Variants in NKD1 observed in about 807,000 individuals in gnomAD.
NKD1 encodes protein naked cuticle homolog 1.
Under a neutral mutation model 56.0 loss-of-function variants are expected in NKD1, and 21 were observed. The observed-to-expected ratio is 0.38, with a 90% CI of 0.27 to 0.54. The LOEUF (loss-of-function observed/expected upper bound fraction) is 0.54, where lower values mean the gene tolerates loss of function less well. Ranked by LOEUF, NKD1 falls within the 20% of genes least tolerant of loss-of-function variation. The probability of loss-of-function intolerance (pLI) is 0.82; values close to 1 mark genes in which losing one functional copy is unlikely to be tolerated. For missense variants in NKD1, 578 were observed against 642.7 expected, an observed-to-expected ratio of 0.90 and a Z score of 1.09; for synonymous variants, 263 against 265.7, an observed-to-expected ratio of 0.99 and a Z score of 0.10.
At position 50,633,867 on chromosome 16, in the gene NKD1, T is replaced by C. The variant is rs1334670861; in HGVS notation, c.*86T>C. 3.2e-6 allele frequency: 2 copies of C among 629,414 alleles called. No homozygotes were observed. Among genetic ancestry groups the C allele is most frequent in the Non-Finnish European group, 5.3e-6 (2 of 375,792 alleles). The allele number at this position is 629,414 out of a possible 1,614,324, so 39.0% of individuals were successfully genotyped here. A position where few individuals can be genotyped will look rare whatever the true frequency, so the allele number is the denominator to read the frequency against. ...ATTATTATTCTATTAATTATTGTTA[T>C]TATGATGATTATTGTTATTAATAAT... On this transcript the variant is annotated 3_prime_UTR_variant, in exon 10 of 10. Coordinates refer to ENST00000268459, the MANE Select transcript of NKD1 (RefSeq NM_033119.5). The surrounding 1 kb of genome is among the most constrained non-coding windows in gnomAD (Gnocchi z 4.9).
chr16:50,548,761 C>A lies in NKD1; in HGVS notation c.58+12C>A. 1 of 1,411,240 alleles carries A rather than the reference C, an allele frequency of 7.1e-7. No individual in the cohort carries two copies. Among genetic ancestry groups the A allele is most frequent in the Non-Finnish European group, 9.1e-7 (1 of 1,094,132 alleles). The allele number at this position is 1,411,240 out of a possible 1,614,324, so 87.4% of individuals were successfully genotyped here. A position where few individuals can be genotyped will look rare whatever the true frequency, so the allele number is the denominator to read the frequency against. ...GGAGAGCCCGGAAGGTAGGGGCGCG[C>A]GGGGCGCAGACCTCGGGGATGGACG... On this transcript the variant is annotated intron_variant, in intron 2 of 9. Transcript: ENST00000268459.
At chr16:50,608,237 T>A in intron 3 of NKD1, 57 bp from the exon 4 acceptor site, 3 of 1,226,640 alleles carry the variant, frequency 2.4e-6, no homozygotes, top group Non-Finnish European at 3.6e-6. Context: ...GCTTTTAACG[T>A]CCCAGCACTG....
chr16:50,589,773 T>TCTTCTCTTCC (rs1961321194), intron 3 of NKD1, among the ~76,000 whole-genome samples: 1 of 99,810 alleles, frequency 1.0e-5, no homozygotes, highest in Non-Finnish European at 2.1e-5. Context: ...TCTCCTCTCC[T>TCTTCTCTTCC]CTCCTCTCCT....
intron 3 of NKD1, among the ~76,000 whole-genome samples, chr16:50,605,923 G>A (rs1364115198): frequency 6.6e-6 from 1 of 152,226 alleles, no homozygotes; most frequent in African/African-American, 2.4e-5. Flanking sequence ...AGGCGAGGCA[G>A]GCGGTACAGC....
At chr16:50,603,343 C>T (rs1294312337) in intron 3 of NKD1, among the ~76,000 whole-genome samples, 1 of 152,198 alleles carries the variant, frequency 6.6e-6, no homozygotes, top group African/African-American at 2.4e-5. Context: ...AGCTTGCTCT[C>T]AGCAAGGCCT....
rs951199455 is a variant in NKD1, at chr16:50,623,309, G to C, written c.366+1601G>C. On this transcript the variant is annotated intron_variant, in intron 5 of 9. Coordinates refer to ENST00000268459, the MANE Select transcript of NKD1 (RefSeq NM_033119.5). This position sits in a 1 kb window ranked among gnomAD's most constrained non-coding sequence, Gnocchi z 4.1. ...CCACACAGCTTGTTCTCCCCACACA[G>C]CACAGGAGCACTCCAGCCTCCAAGA... Among the ~76,000 whole-genome samples, 94 of 152,212 alleles carry C rather than the reference G, an allele frequency of 6.2e-4. 1 individual carries two copies. The highest frequency in any genetic ancestry group is 2.2e-3 in the African/African-American group (91 of 41,550).
chr16:50,572,019 G>A (rs1392266461), intron 3 of NKD1, among the ~76,000 whole-genome samples: 1 of 152,240 alleles, frequency 6.6e-6, no homozygotes, highest in Admixed American at 6.5e-5. Flanking sequence ...GCCTTTGCAC[G>A]CTCTATTCCT....
intron 3 of NKD1, 41 bp downstream of exon 3, chr16:50,549,596 C>T (rs1382438550): frequency 6.6e-7 from 1 of 1,520,620 alleles, no homozygotes. Flanking sequence ...GGCCTCCTTT[C>T]AGCCTCAGAG....
At chr16:50,557,266 C>T (rs1325667423) in intron 3 of NKD1, 1 of 152,208 alleles carries the variant, frequency 6.6e-6, no homozygotes, top group Non-Finnish European at 1.5e-5. Context: ...GATCAGAACT[C>T]ATCTGGGGTG....
intron 3 of NKD1, among the ~76,000 whole-genome samples, chr16:50,579,299 C>T (rs1474604385): frequency 2.7e-5 from 4 of 147,684 alleles, no homozygotes; most frequent in African/African-American, 1.0e-4. Flanking sequence ...CTGTCTTACT[C>T]CTGCGGGCTA....
chr16:50,560,471 T>C (rs920394240), intron 3 of NKD1, among the ~76,000 whole-genome samples: 2 of 152,172 alleles, frequency 1.3e-5, no homozygotes, highest in African/African-American at 4.8e-5. Flanking sequence ...GCCGCTGTTA[T>C]TATTATGCCC....
intron 6 of NKD1, among the ~76,000 whole-genome samples, chr16:50,628,209 T>A (rs180772328): frequency 6.6e-6 from 1 of 152,208 alleles, no homozygotes; most frequent in Non-Finnish European, 1.5e-5. Flanking sequence ...ATTTTGAAGA[T>A]TTAACAGAAG....
chr16:50,597,995 A>G (rs1404603615), intron 3 of NKD1, among the ~76,000 whole-genome samples: 2 of 152,028 alleles, frequency 1.3e-5, no homozygotes, highest in Non-Finnish European at 2.9e-5. Flanking sequence ...TAGAGGGAGG[A>G]GGGCGCTCCG....
chr16:50,601,949 C>T (rs1359416997), intron 3 of NKD1, among the ~76,000 whole-genome samples: 3 of 152,228 alleles, frequency 2.0e-5, no homozygotes, highest in Admixed American at 6.5e-5. Flanking sequence ...ATCCCTGGGT[C>T]CAGGCCTCCA....
At chr16:50,610,464 G>A (rs1031891012) in intron 4 of NKD1, among the ~76,000 whole-genome samples, 27 of 152,316 alleles carry the variant, frequency 1.8e-4, no homozygotes, top group Non-Finnish European at 8.8e-5. Context: ...AGGCCACCGC[G>A]TGGCCAGGTC....
At chr16:50,564,884 TC>T (rs1416184683) in intron 3 of NKD1, among the ~76,000 whole-genome samples, 2 of 152,090 alleles carry the variant, frequency 1.3e-5, no homozygotes, top group East Asian at 1.9e-4. Context: ...ACAGGAAGCC[TC>T]CGCCCACCTC....
Position 50,625,583 on chromosome 16 carries a change from G to T in NKD1, c.462+3G>T. ...ACAACGGCAAGGTCACCCGAGAGGT[G>T]AGTGCACCTGCCTGGCCTCTTGCCG... On this transcript the variant is annotated splice_donor_region_variant and intron_variant, in intron 6 of 9. Transcript: ENST00000268459. The T allele has an allele frequency of 1.3e-6, 2 of 1,595,102 alleles. No homozygotes were observed. Among genetic ancestry groups the T allele is most frequent in the East Asian group, 2.2e-5 (1 of 44,800 alleles).
chr16:50,588,598 CT>C (rs574622414), intron 3 of NKD1, among the ~76,000 whole-genome samples: 3,166 of 94,664 alleles, frequency 0.033, 34 homozygotes, highest in African/African-American at 0.084. Flanking sequence ...TTTTCTTCTG[CT>C]TTTTTTTTTT....
At chr16:50,630,142 T>C (rs1201093666) in intron 6 of NKD1, 44 bp from the exon 7 acceptor site, 2 of 1,597,050 alleles carry the variant, frequency 1.3e-6, no homozygotes, top group Non-Finnish European at 1.7e-6. Flanking sequence ...TTCAAGGCCC[T>C]GTGACTGAAA....
Sources: allele counts gnomAD v4.1 joint callset (sites outside exome capture counted in the v4.1 genomes callset), GRCh38; gene constraint gnomAD v4.1.1; non-coding constraint Gnocchi (gnomAD v3.1); transcripts MANE v1.5; gene names NCBI Gene and HGNC (gene_info 2026-07-23, HGNC 2026-07-21).